IL12RB2: variants seen among roughly 807,000 people sequenced by gnomAD.
IL12RB2 encodes the protein interleukin 12 receptor subunit beta 2.
IL12RB2 carries 82 observed loss-of-function variants against 89.4 expected under a neutral mutation model. That is an observed-to-expected ratio of 0.92 (90% CI 0.77 to 1.10). The LOEUF is 1.10. Among genes scored for constraint, IL12RB2 ranks in the 50% least tolerant of loss-of-function variants. IL12RB2 has a pLI of 0.00. For missense variants in IL12RB2, 963 were observed against 1,031.9 expected (o/e 0.93, Z 0.92); for synonymous variants, 368 against 370.1 (o/e 0.99, Z 0.07).
At chr1:67,379,411 G>T (rs944347055) in intron 13 of IL12RB2, among the ~76,000 whole-genome samples, 1 of 150,002 alleles carries the variant, frequency 6.7e-6, no homozygotes, top group African/African-American at 2.5e-5. Context: ...TTGGGAAGCT[G>T]AGGCAGGAGA....
At chr1:67,394,159 T>C (rs1457670552) in intron 16 of IL12RB2, among the ~76,000 whole-genome samples, 1 of 151,892 alleles carries the variant, frequency 6.6e-6, no homozygotes, top group Non-Finnish European at 1.5e-5. Context: ...GGGACAGTGG[T>C]TGAAAGAGCA....
chr1:67,364,105 A>T (rs1292800393), intron 10 of IL12RB2, among the ~76,000 whole-genome samples: 1 of 152,228 alleles, frequency 6.6e-6, no homozygotes, highest in Non-Finnish European at 1.5e-5. Flanking sequence ...ATATATAGAC[A>T]TATAGGCCAG....
In IL12RB2 at chr1:67,323,541, C is replaced by T. The variant is rs1396889743; in HGVS notation, c.364+1652C>T. Among the ~76,000 whole-genome samples the T allele has an allele frequency of 3.3e-5, 5 of 152,170 alleles. No homozygotes were observed. The South Asian group carries it at 6.2e-4, about 19-fold the overall frequency. On this transcript the variant is annotated intron_variant, in intron 4 of 16. Transcript: ENST00000674203. ...AGGCACATGGGAGGCATTCAGGTGA[C>T]GGCTTTAGGCTTCTCAACAGCAACC...
intron 8 of IL12RB2, among the ~76,000 whole-genome samples, chr1:67,337,744 T>C (rs1483768601): frequency 6.6e-6 from 1 of 152,142 alleles, no homozygotes; most frequent in Non-Finnish European, 1.5e-5. Context: ...CATTGTCTAA[T>C]GATCACACAC....
At chr1:67,321,232 G>A (rs1038444210) in intron 3 of IL12RB2, among the ~76,000 whole-genome samples, 1 of 151,916 alleles carries the variant, frequency 6.6e-6, no homozygotes, top group African/African-American at 2.4e-5. Flanking sequence ...AAACAAATGT[G>A]TTTTTTTCTG....
At chr1:67,395,257 G>A (rs1006475375) in intron 16 of IL12RB2, among the ~76,000 whole-genome samples, 18 of 151,012 alleles carry the variant, frequency 1.2e-4, no homozygotes, top group Admixed American at 6.6e-4. Flanking sequence ...GACAGAAGGC[G>A]ACTTCGTCTC....
chr1:67,331,882 T>C (rs1197528932), intron 8 of IL12RB2, among the ~76,000 whole-genome samples: 2 of 152,160 alleles, frequency 1.3e-5, no homozygotes, highest in Non-Finnish European at 2.9e-5. Context: ...TTTAGTGATA[T>C]AGTAGAGAGT....
intron 16 of IL12RB2, among the ~76,000 whole-genome samples, chr1:67,393,243 C>A (rs1666016809): frequency 6.6e-6 from 1 of 152,190 alleles, no homozygotes; most frequent in African/African-American, 2.4e-5. Context: ...TGCCCTAAAG[C>A]TCTGAAGGAA....
In IL12RB2 at chr1:67,396,500, T is replaced by A; in HGVS notation, c.*411T>A. On this transcript the variant is annotated 3_prime_UTR_variant, in exon 17 of 17. Transcript: ENST00000674203. Reference sequence around the variant, plus strand: ...TACACAGCAGGCTGTACACAGCAGATCAGTACTGTTCAACAGAACTTCCTG... The same window carrying A: ...TACACAGCAGGCTGTACACAGCAGAACAGTACTGTTCAACAGAACTTCCTG... 1 of 274,746 alleles carries A rather than the reference T, an allele frequency of 3.6e-6. No homozygotes were observed. Among genetic ancestry groups the A allele is most frequent in the East Asian group, 8.5e-5 (1 of 11,710 alleles). The allele number at this position is 274,746 out of a possible 1,614,324, so 17.0% of individuals were successfully genotyped here.
intron 3 of IL12RB2, among the ~76,000 whole-genome samples, chr1:67,320,743 CT>C (rs529858928): frequency 6.6e-6 from 1 of 151,534 alleles, no homozygotes; most frequent in African/African-American, 2.4e-5. Flanking sequence ...TTTTTCTTTT[CT>C]TTTTTTTATT....
chr1:67,361,249 C>T (rs1662010443), intron 10 of IL12RB2, among the ~76,000 whole-genome samples: 1 of 152,090 alleles, frequency 6.6e-6, no homozygotes, highest in Non-Finnish European at 1.5e-5. Flanking sequence ...AATTATAAGG[C>T]ATTCTAAAAG....
rs1424000002 is a variant in IL12RB2, at chr1:67,379,989, T to G, written c.1721T>G (p.Ile574Ser). The G allele has an allele frequency of 1.9e-6, 3 of 1,608,118 alleles. No individual in the cohort carries two copies. Among genetic ancestry groups the G allele is most frequent in the Non-Finnish European group, 2.6e-6 (3 of 1,174,514 alleles). ...DSNSQPQLCE[I>S]PYRVSQNSHP... is the part of the protein sequence containing the mutation. ...TCTTCCTTTATCTTCCTTTCAGAAA[T>G]TCCCTACAGAGTCTCCCAAAATTCA... Residue 574 changes from isoleucine (I) to serine (S), a missense_variant, in exon 14 of 17, where the codon ATT becomes AGT. Ile to Ser is a moderately radical substitution (Grantham distance 142, BLOSUM62 -2). Transcript: ENST00000674203.
intron 4 of IL12RB2, 61 bp downstream of exon 4, chr1:67,321,950 G>C (rs1304176740): frequency 1.4e-6 from 2 of 1,450,994 alleles, no homozygotes; most frequent in African/African-American, 2.8e-5. Flanking sequence ...TGATCTTTTG[G>C]TATTTGGTGT....
chr1:67,318,137 C>T (rs1008729951), intron 2 of IL12RB2, among the ~76,000 whole-genome samples: 1 of 152,108 alleles, frequency 6.6e-6, no homozygotes, highest in African/African-American at 2.4e-5. Context: ...ATGCAAAGTC[C>T]TCTAGGCAGC....
chr1:67,353,298 G>A (rs747808182), intron 10 of IL12RB2, among the ~76,000 whole-genome samples: 10 of 152,136 alleles, frequency 6.6e-5, no homozygotes, highest in Admixed American at 2.0e-4. Flanking sequence ...CAACTAGCGC[G>A]TGTCTCACAC....
At chr1:67,353,008 T>C (rs894886449) in intron 10 of IL12RB2, among the ~76,000 whole-genome samples, 5 of 152,240 alleles carry the variant, frequency 3.3e-5, no homozygotes, top group Non-Finnish European at 5.9e-5. Context: ...TAGAAATGTA[T>C]ACTCAGCATA....
intron 8 of IL12RB2, among the ~76,000 whole-genome samples, chr1:67,336,566 A>G (rs1440491014): frequency 3.3e-5 from 5 of 152,258 alleles, no homozygotes; most frequent in African/African-American, 9.6e-5. Flanking sequence ...AAAGGTAAAT[A>G]CTACTGCAAA....
intron 13 of IL12RB2, among the ~76,000 whole-genome samples, chr1:67,378,498 T>C (rs1664212836): frequency 6.6e-6 from 1 of 152,112 alleles, no homozygotes; most frequent in South Asian, 2.1e-4. Flanking sequence ...CTGAATAAGA[T>C]CCTCATTAAG....
intron 10 of IL12RB2, among the ~76,000 whole-genome samples, chr1:67,359,048 C>A (rs958524439): frequency 6.6e-6 from 1 of 151,580 alleles, no homozygotes; most frequent in African/African-American, 2.4e-5. Flanking sequence ...GGCTGAGGCA[C>A]GAAAATGGCT....
Sources: allele counts gnomAD v4.1 joint callset (sites outside exome capture counted in the v4.1 genomes callset), GRCh38; gene constraint gnomAD v4.1.1; transcripts MANE v1.5; gene names NCBI Gene and HGNC (gene_info 2026-07-23, HGNC 2026-07-21).